Variants in KCNIP3 observed in about 807,000 individuals in gnomAD.
The protein encoded by KCNIP3 is calsenilin.
A neutral mutation model predicts 35.0 loss-of-function variants in KCNIP3; 28 were observed. The observed-to-expected ratio is 0.80, with a 90% CI of 0.59 to 1.10. The LOEUF is 1.10. Ranked by LOEUF, KCNIP3 falls within the 50% of genes least tolerant of loss-of-function variation. The pLI is 0.00. For synonymous variants in KCNIP3, 134 were observed against 133.8 expected, an observed-to-expected ratio of 1.00 and a Z score of -0.01; for missense variants, 295 against 338.4, an observed-to-expected ratio of 0.87 and a Z score of 1.01.
intron 1 of KCNIP3, among the ~76,000 whole-genome samples, chr2:95,309,901 C>T (rs377066737): frequency 3.3e-4 from 51 of 152,332 alleles, no homozygotes; most frequent in East Asian, 2.5e-3. Flanking sequence ...CATGAAAACT[C>T]AGGCAGAGCA....
At chr2:95,368,115 A>T (rs924399112) in intron 2 of KCNIP3, among the ~76,000 whole-genome samples, 6 of 152,250 alleles carry the variant, frequency 3.9e-5, no homozygotes, top group African/African-American at 1.4e-4. Context: ...TGCAGGACAA[A>T]CTAGGCTAGC....
chr2:95,356,971 G>C (rs1679669889), intron 2 of KCNIP3, among the ~76,000 whole-genome samples: 2 of 152,214 alleles, frequency 1.3e-5, no homozygotes, highest in Non-Finnish European at 2.9e-5. Flanking sequence ...AGGGTCAGGA[G>C]CCCAGAGGCT....
At position 95,326,056 on chromosome 2, in the gene KCNIP3, CAT is replaced by C. The variant is rs576872643; in HGVS notation, c.181+15538_181+15539del. On this transcript the variant is annotated intron_variant, in intron 2 of 8. Transcript: ENST00000295225. The stretch of plus-strand genomic sequence containing the variant: ...ACACATACACTCATATACACACACA[CAT>C]ACACATTCACTCATACTAACACACT... 1.5e-3 allele frequency among the ~76,000 whole-genome samples: 230 copies of C among 151,600 alleles called. 2 individuals carry two copies. Among genetic ancestry groups the C allele is most frequent in the South Asian group, 0.014 (69 of 4,798 alleles).
At chr2:95,343,204 G>A (rs1424963732) in intron 2 of KCNIP3, among the ~76,000 whole-genome samples, 1 of 152,128 alleles carries the variant, frequency 6.6e-6, no homozygotes, top group African/African-American at 2.4e-5. Flanking sequence ...GATATTCCAA[G>A]GTAAGAGCCA....
At chr2:95,328,106 C>A (rs1390587770) in intron 2 of KCNIP3, among the ~76,000 whole-genome samples, 1 of 152,218 alleles carries the variant, frequency 6.6e-6, no homozygotes, top group Non-Finnish European at 1.5e-5. Flanking sequence ...CTCAGCCTCA[C>A]CCCATGGGGA....
chr2:95,366,235 C>A (rs1229023377), intron 2 of KCNIP3, among the ~76,000 whole-genome samples: 1 of 152,216 alleles, frequency 6.6e-6, no homozygotes, highest in Non-Finnish European at 1.5e-5. Context: ...CTGATCTGTT[C>A]TCTTTCCCTG....
intron 2 of KCNIP3, among the ~76,000 whole-genome samples, chr2:95,327,303 A>AG (rs1180966496): frequency 2.6e-5 from 4 of 152,124 alleles, no homozygotes; most frequent in African/African-American, 9.7e-5. Context: ...CCTTGCACTT[A>AG]GGGATCCCAG....
intron 2 of KCNIP3, among the ~76,000 whole-genome samples, chr2:95,338,951 G>A (rs1218999947): frequency 2.6e-5 from 4 of 152,210 alleles, no homozygotes; most frequent in African/African-American, 4.8e-5. Context: ...AGTGCTTGCA[G>A]CATTGACTTG....
At chr2:95,320,712 C>T (rs540846874) in intron 2 of KCNIP3, among the ~76,000 whole-genome samples, 2 of 152,146 alleles carry the variant, frequency 1.3e-5, no homozygotes, top group African/African-American at 2.4e-5. Flanking sequence ...TCCAGGAGTA[C>T]GTCAGACCCA....
At chr2:95,359,715 G>A (rs1272339241) in intron 2 of KCNIP3, among the ~76,000 whole-genome samples, 2 of 152,358 alleles carry the variant, frequency 1.3e-5, no homozygotes, top group South Asian at 2.1e-4. Flanking sequence ...AGGCAGCCAC[G>A]CCTCCACTGC....
intron 2 of KCNIP3, among the ~76,000 whole-genome samples, chr2:95,322,716 C>G (rs183175496): frequency 6.6e-6 from 1 of 152,190 alleles, no homozygotes; most frequent in African/African-American, 2.4e-5. Flanking sequence ...ATGTCTATCC[C>G]GTGATTTCTC....
At chr2:95,316,319 C>A (rs1213402945) in intron 2 of KCNIP3, among the ~76,000 whole-genome samples, 2 of 152,258 alleles carry the variant, frequency 1.3e-5, no homozygotes, top group Non-Finnish European at 2.9e-5. Context: ...GGCACCGCAC[C>A]TTCCTTTACT....
chr2:95,326,150 CTT>C (rs967254085), intron 2 of KCNIP3, among the ~76,000 whole-genome samples: 86 of 151,980 alleles, frequency 5.7e-4, no homozygotes, highest in South Asian at 8.3e-4. Flanking sequence ...CACACATACA[CTT>C]ATATACGCAC....
intron 6 of KCNIP3, 80 bp downstream of exon 6, chr2:95,381,783 G>A: frequency 5.2e-6 from 5 of 963,942 alleles, no homozygotes; most frequent in Non-Finnish European, 8.3e-6. Context: ...TCCTCTCCCT[G>A]CTCCTGCTGC....
chr2:95,324,492 G>A (rs1204326509), intron 2 of KCNIP3, among the ~76,000 whole-genome samples: 2 of 151,122 alleles, frequency 1.3e-5, no homozygotes, highest in Non-Finnish European at 2.9e-5. Flanking sequence ...CAGCTTGGGC[G>A]ACAGAGCGAG....
intron 2 of KCNIP3, among the ~76,000 whole-genome samples, chr2:95,314,816 CGG>C (rs1678410371): frequency 6.6e-6 from 1 of 152,222 alleles, no homozygotes; most frequent in African/African-American, 2.4e-5. Context: ...AGCAGAGGTG[CGG>C]TGAGCAGGCA....
intron 2 of KCNIP3, among the ~76,000 whole-genome samples, chr2:95,330,364 C>T (rs1389306197): frequency 6.6e-6 from 1 of 152,180 alleles, no homozygotes; most frequent in Non-Finnish European, 1.5e-5. Flanking sequence ...GGGGCTGCTC[C>T]CCAGTGGCCT....
intron 2 of KCNIP3, chr2:95,312,509 A>ACAGGGCCAGGG (rs1309445276): frequency 6.6e-6 from 1 of 152,354 alleles, no homozygotes; most frequent in Non-Finnish European, 1.5e-5. Context: ...CGCACAGGAG[A>ACAGGGCCAGGG]CAGGGCCAGG....
intron 2 of KCNIP3, among the ~76,000 whole-genome samples, chr2:95,333,699 T>C (rs1336599783): frequency 6.6e-6 from 1 of 152,224 alleles, no homozygotes; most frequent in African/African-American, 2.4e-5. Context: ...GCCTGGCACA[T>C]GGTAAGCAGC....
Sources: gnomAD v4.1 joint callset for allele counts (sites outside exome capture counted in the v4.1 genomes callset) on GRCh38, gnomAD v4.1.1 for gene constraint, MANE v1.5 for transcripts, NCBI Gene and HGNC (gene_info 2026-07-23, HGNC 2026-07-21) for gene names.